The following FMO5 variants were observed in gnomAD, a reference collection of about 807,000 sequenced individuals.
The protein encoded by FMO5 is flavin containing dimethylaniline monoxygenase 5.
A neutral mutation model predicts 43.6 loss-of-function variants in FMO5; 51 were observed. The observed-to-expected ratio is 1.17, with a 90% CI of 0.93 to 1.48. The LOEUF (loss-of-function observed/expected upper bound fraction) is 1.48. Among genes scored for constraint, FMO5 ranks in the 40% most tolerant of loss-of-function variants. FMO5 has a pLI of 0.00. For missense variants in FMO5, 644 were observed against 643.0 expected (o/e 1.00, Z -0.02); for synonymous variants, 187 against 216.5 (o/e 0.86, Z 1.20).
chr1:147,217,345 G>C (rs1662196709), intron 2 of FMO5, among the ~76,000 whole-genome samples: 1 of 151,996 alleles, frequency 6.6e-6, no homozygotes, highest in Admixed American at 6.6e-5. Flanking sequence ...TACCCAGCCT[G>C]TCACCGAGAT....
chr1:147,209,003 C>A lies in FMO5; in HGVS notation c.679G>T (p.Asp227Tyr). 1 of 1,614,050 alleles carries A rather than the reference C, an allele frequency of 6.2e-7. No individual in the cohort carries two copies. The highest frequency in any genetic ancestry group is 1.1e-5 in the South Asian group (1 of 91,070). ...RGAWILNRVG[D>Y]YGYPADVLFS... is the part of the protein sequence containing the mutation. ...AACACATCAGCAGGATATCCGTAGTCCCCTACACGATTCAGGATCCAAGCC... is the reference window on the plus strand; with the variant it reads ...AACACATCAGCAGGATATCCGTAGTACCCTACACGATTCAGGATCCAAGCC... Residue 227 changes from aspartate (D) to tyrosine (Y), a missense_variant, in exon 6 of 9, where the codon GAC (aspartate) becomes TAC (tyrosine). Transcript: ENST00000254090.
At chr1:147,205,669 G>A (rs942131162) in intron 6 of FMO5, among the ~76,000 whole-genome samples, 2 of 152,112 alleles carry the variant, frequency 1.3e-5, no homozygotes, top group Non-Finnish European at 1.5e-5. Context: ...ATGGGGAAAG[G>A]ATTCCCTATT....
intron 5 of FMO5, chr1:147,210,957 T>C (rs1553923632): frequency 6.6e-6 from 1 of 152,238 alleles, no homozygotes; most frequent in African/African-American, 2.4e-5. Context: ...ACTTCCATGA[T>C]ATACTGAAAT....
chr1:147,203,427 T>C, intron 6 of FMO5: 4 of 859,878 alleles, frequency 4.7e-6, no homozygotes, highest in South Asian at 1.3e-5. Context: ...GGTAAGTATC[T>C]AGAACACCAG....
chr1:147,201,303 T>C lies in FMO5; in HGVS notation c.1032A>G (p.Lys344=), dbSNP rs782484284. 1 of 1,614,200 alleles carries C rather than the reference T, an allele frequency of 6.2e-7. No homozygotes were observed. Among genetic ancestry groups the C allele is most frequent in the South Asian group, 1.1e-5 (1 of 91,082 alleles). ...ACAGGGATATCTTGTTTTTGACCACTTTGACGGAATCTTCCAGAAATGGAA... is the reference window on the plus strand; with the variant it reads ...ACAGGGATATCTTGTTTTTGACCACCTTGACGGAATCTTCCAGAAATGGAA... The part of the protein sequence containing the change: ...FDFPFLEDSV[K]VVKNKISLYK... Residue 344 remains lysine (K), a synonymous_variant, in exon 7 of 9, where the codon AAA becomes AAG. Coordinates refer to ENST00000254090, the MANE Select transcript of FMO5 (RefSeq NM_001461.4).
At chr1:147,215,481 G>A in intron 3 of FMO5, 1 of 385,950 alleles carries the variant, frequency 2.6e-6, no homozygotes. Flanking sequence ...CCCTTCATCT[G>A]TTTATTGCAA....
intron 6 of FMO5, among the ~76,000 whole-genome samples, chr1:147,207,846 G>C (rs587716636): frequency 4.6e-5 from 7 of 152,248 alleles, no homozygotes; most frequent in African/African-American, 1.7e-4. Flanking sequence ...CTCCCCTGTG[G>C]TATATCATCC....
intron 8 of FMO5, among the ~76,000 whole-genome samples, chr1:147,187,660 G>A (rs1553917503): frequency 2.0e-5 from 3 of 152,104 alleles, no homozygotes; most frequent in South Asian, 4.1e-4. Context: ...ATTTGATGAG[G>A]GCAGTGGTGA....
chr1:147,206,868 G>T (rs1326473931), intron 6 of FMO5, among the ~76,000 whole-genome samples: 1 of 151,484 alleles, frequency 6.6e-6, no homozygotes, highest in African/African-American at 2.4e-5. Context: ...CACCAACATG[G>T]CACATATATA....
chr1:147,225,279 G>T lies in FMO5; in HGVS notation c.-38+8C>A. ...CTGAGAGTGCTCTGCTGCGGTACCG[G>T]ATCTCACCGCCTTTCCTGAAGCGCT... On this transcript the variant is annotated splice_region_variant and intron_variant, in intron 1 of 8. Coordinates refer to ENST00000254090, the MANE Select transcript of FMO5 (RefSeq NM_001461.4). 2 of 928,212 alleles carry T rather than the reference G, an allele frequency of 2.2e-6. No individual in the cohort carries two copies. The highest frequency in any genetic ancestry group is 1.5e-6 in the Non-Finnish European group (1 of 669,126). The allele number at this position is 928,212 out of a possible 1,614,324, so 57.5% of individuals were successfully genotyped here.
chr1:147,208,197 C>T (rs193080142), intron 6 of FMO5, among the ~76,000 whole-genome samples: 629 of 152,220 alleles, frequency 4.1e-3, no homozygotes, highest in Admixed American at 7.7e-3. Flanking sequence ...GTATTTCATG[C>T]CCATGTATGA....
rs587683177 is a variant in FMO5, at chr1:147,204,203, C to T, written c.831-2699G>A. 7.0e-5 allele frequency: 96 copies of T among 1,376,536 alleles called. 3 individuals carry two copies. The South Asian group carries it at 1.0e-3, about 14-fold the overall frequency. 85.3% of individuals were successfully genotyped at this position (1,376,536 alleles called of 1,614,324 possible). A position where few individuals can be genotyped will look rare whatever the true frequency, so the allele number is the denominator to read the frequency against. On this transcript the variant is annotated intron_variant, in intron 6 of 8. Transcript: ENST00000254090. Reference sequence around the variant, plus strand: ...TTCTGTTATCATGCCATCAAAAGGACAAGAGTACACTGCTATTTTTGCATC... The same window carrying T: ...TTCTGTTATCATGCCATCAAAAGGATAAGAGTACACTGCTATTTTTGCATC...
At chr1:147,185,284 A>G (rs1655521913), downstream of FMO5, among the ~76,000 whole-genome samples, 1 of 152,156 alleles carries the variant, frequency 6.6e-6, no homozygotes, top group African/African-American at 2.4e-5. Context: ...GCTGATAACT[A>G]GGAATTATAT....
chr1:147,203,444 A>G (rs879950137), intron 6 of FMO5: 1 of 839,328 alleles, frequency 1.2e-6, no homozygotes, highest in Non-Finnish European at 2.1e-6. Flanking sequence ...CCAGCTTCCA[A>G]CATGTCCGTT....
In FMO5 at chr1:147,186,502, C is replaced by A. The variant is rs1212239149; in HGVS notation, c.*398G>T. 2.0e-6 allele frequency: 2 copies of A among 987,632 alleles called. No individual in the cohort carries two copies. The highest frequency in any genetic ancestry group is 6.0e-5 in the Admixed American group (1 of 16,604). The allele number at this position is 987,632 out of a possible 1,614,324, so 61.2% of individuals were successfully genotyped here. A position where few individuals can be genotyped will look rare whatever the true frequency, so the allele number is the denominator to read the frequency against. ...TTGAGCTTCTAATAGAAAATCAAAC[C>A]CTATCAGAAGAAGAGTTACGTGGAG... On this transcript the variant is annotated 3_prime_UTR_variant, in exon 9 of 9. Transcript: ENST00000254090.
At chr1:147,226,581 A>C (rs1663996714), upstream of FMO5, among the ~76,000 whole-genome samples, 1 of 152,206 alleles carries the variant, frequency 6.6e-6, no homozygotes, top group Non-Finnish European at 1.5e-5. Context: ...GGGTTAGAAC[A>C]AGGGCCCATC....
At position 147,187,176 on chromosome 1, in the gene FMO5, C is replaced by T. The variant is rs1553917334; in HGVS notation, c.1326G>A (p.Leu442=). The change falls in exon 9 of 9, where the codon TTG becomes TTA. Residue 442 remains leucine, a synonymous_variant. Coordinates refer to ENST00000254090, the MANE Select transcript of FMO5 (RefSeq NM_001461.4). The part of the protein sequence containing the change: ...YIDTMEELAD[L]VGVRPNLLSL... ...ACAGCAGATTGGGCCTGACCCCCAC[C>T]AAATCAGCAAGCTCTTCCATGGTAT... 3 of 1,613,982 alleles carry T rather than the reference C, an allele frequency of 1.9e-6. No homozygotes were observed.
chr1:147,188,331 C>T (rs587667342), intron 8 of FMO5, among the ~76,000 whole-genome samples: 31 of 152,004 alleles, frequency 2.0e-4, no homozygotes, highest in African/African-American at 7.0e-4. Flanking sequence ...CGAGATCAGC[C>T]TGGGCAACAT....
At position 147,201,367 on chromosome 1, in the gene FMO5, A is replaced by G. The variant is rs782075632; in HGVS notation, c.968T>C (p.Ile323Thr). ...IFEDGSREDD[I>T]DAVIFATGYS... ...GCCTGTGGCAAAGATAACAGCATCAATGTCATCCTCCCTGGAGCCATCCTC... is the reference window on the plus strand; with the variant it reads ...GCCTGTGGCAAAGATAACAGCATCAGTGTCATCCTCCCTGGAGCCATCCTC... The change falls in exon 7 of 9, where the codon ATT becomes ACT. Residue 323 changes from isoleucine to threonine, a missense_variant. Transcript: ENST00000254090. 45 of 1,614,054 alleles carry G rather than the reference A, an allele frequency of 2.8e-5. No homozygotes were observed. The African/African-American group carries it at 5.3e-4, about 19-fold the overall frequency.
Sources: gnomAD v4.1 joint callset for allele counts (sites outside exome capture counted in the v4.1 genomes callset) on GRCh38, gnomAD v4.1.1 for gene constraint, MANE v1.5 for transcripts, NCBI Gene and HGNC (gene_info 2026-07-23, HGNC 2026-07-21) for gene names.